The following TMEM132C variants were observed in gnomAD, a reference collection of about 807,000 sequenced individuals.
TMEM132C encodes the protein transmembrane protein 132C.
TMEM132C carries 29 observed loss-of-function variants against 61.4 expected under a neutral mutation model. The ratio of observed to expected loss-of-function variants is 0.47; its 90% CI spans 0.35 to 0.64. The LOEUF is 0.64. Among genes scored for constraint, TMEM132C ranks in the 30% least tolerant of loss-of-function variants. The probability of loss-of-function intolerance (pLI) is 0.00; values close to 1 mark genes in which losing one functional copy is unlikely to be tolerated. For synonymous variants in TMEM132C, 656 were observed against 633.1 expected, an observed-to-expected ratio of 1.04 and a Z score of -0.54; for missense variants, 1,408 against 1,476.9, an observed-to-expected ratio of 0.95 and a Z score of 0.76.
intron 2 of TMEM132C, among the ~76,000 whole-genome samples, chr12:128,434,707 A>G (rs1177572178): frequency 6.6e-6 from 1 of 152,224 alleles, no homozygotes; most frequent in South Asian, 2.1e-4. Flanking sequence ...GGTTCAAGCA[A>G]TTATTCTGCC....
At chr12:128,386,965 AC>A (rs1874605115) in intron 1 of TMEM132C, among the ~76,000 whole-genome samples, 1 of 152,022 alleles carries the variant, frequency 6.6e-6, no homozygotes, top group Non-Finnish European at 1.5e-5. Flanking sequence ...CCACATCTCT[AC>A]AAAAAATAAA....
chr12:128,360,346 A>G (rs1873663690), intron 1 of TMEM132C, among the ~76,000 whole-genome samples: 1 of 152,184 alleles, frequency 6.6e-6, no homozygotes, highest in Non-Finnish European at 1.5e-5. Flanking sequence ...TCTGTCCAAC[A>G]GAATTTAGAT....
intron 5 of TMEM132C, 67 bp downstream of exon 5, chr12:128,669,627 G>A (rs142498532): frequency 0.02 from 31,032 of 1,523,162 alleles, 408 homozygotes; most frequent in Non-Finnish European, 0.024. Context: ...CGTTTGCTAG[G>A]GACATTTAGA....
chr12:128,584,457 T>C (rs545669283), intron 3 of TMEM132C, among the ~76,000 whole-genome samples: 78 of 152,326 alleles, frequency 5.1e-4, no homozygotes, highest in Admixed American at 8.5e-4. Flanking sequence ...TATTCTAGTG[T>C]AAGTACTCGT....
intron 3 of TMEM132C, among the ~76,000 whole-genome samples, chr12:128,559,074 G>A (rs980140119): frequency 6.6e-6 from 1 of 150,638 alleles, no homozygotes; most frequent in Non-Finnish European, 1.5e-5. Flanking sequence ...ATACCTTTCC[G>A]AAAATATTTC....
intron 1 of TMEM132C, among the ~76,000 whole-genome samples, chr12:128,371,437 C>G (rs373295458): frequency 5.5e-4 from 84 of 152,162 alleles, no homozygotes; most frequent in African/African-American, 1.1e-3. Context: ...CCAATCAGAG[C>G]CAACAGACTC....
intron 2 of TMEM132C, among the ~76,000 whole-genome samples, chr12:128,465,573 C>T (rs780638710): frequency 1.1e-4 from 16 of 152,330 alleles, no homozygotes; most frequent in South Asian, 1.0e-3. Context: ...CACAGCCAGG[C>T]GTCCACCCAG....
At chr12:128,472,835 G>A (rs931432840) in intron 2 of TMEM132C, among the ~76,000 whole-genome samples, 1 of 152,162 alleles carries the variant, frequency 6.6e-6, no homozygotes, top group African/African-American at 2.4e-5. Context: ...CCCTGATGAT[G>A]TAGCCATTCT....
intron 4 of TMEM132C, among the ~76,000 whole-genome samples, chr12:128,623,239 T>C (rs1444378307): frequency 6.6e-6 from 1 of 152,100 alleles, no homozygotes; most frequent in Non-Finnish European, 1.5e-5. Flanking sequence ...AACTTTGGTT[T>C]CCCTATCAGT....
In TMEM132C at chr12:128,526,531, G is replaced by T. The variant is rs550291584; in HGVS notation, c.975-17426G>T. 5.3e-5 allele frequency among the ~76,000 whole-genome samples: 8 copies of T among 152,334 alleles called. No individual in the cohort carries two copies. The East Asian group carries it at 1.5e-3, about 29-fold the overall frequency. On this transcript the variant is annotated intron_variant, in intron 2 of 8. Transcript: ENST00000435159. The stretch of plus-strand genomic sequence containing the variant: ...TTAGGATTTCAACACATGAGTTGGG[G>T]ATGATGCAAACATTCCGACTATAGC...
At chr12:128,549,812 A>C (rs1874098605) in intron 3 of TMEM132C, among the ~76,000 whole-genome samples, 1 of 152,074 alleles carries the variant, frequency 6.6e-6, no homozygotes, top group Non-Finnish European at 1.5e-5. Flanking sequence ...ATCCTCCTTC[A>C]AGCATTCGAG....
chr12:128,660,691 C>T (rs1954379234), intron 4 of TMEM132C, among the ~76,000 whole-genome samples: 1 of 152,218 alleles, frequency 6.6e-6, no homozygotes, highest in Non-Finnish European at 1.5e-5. Flanking sequence ...TGCCCATGTG[C>T]CCACGACCTT....
At chr12:128,442,496 T>C (rs1370665785) in intron 2 of TMEM132C, among the ~76,000 whole-genome samples, 1 of 152,144 alleles carries the variant, frequency 6.6e-6, no homozygotes. Flanking sequence ...CAGGCATTGG[T>C]ATTTTTGTTC....
At chr12:128,506,055 G>T (rs1565956304) in intron 2 of TMEM132C, among the ~76,000 whole-genome samples, 3 of 152,206 alleles carry the variant, frequency 2.0e-5, no homozygotes, top group African/African-American at 7.2e-5. Flanking sequence ...TTGTTCTTCT[G>T]TATCAAGCCT....
chr12:128,272,236 C>CTA (rs1427586406), intron 1 of TMEM132C, among the ~76,000 whole-genome samples: 1 of 152,132 alleles, frequency 6.6e-6, no homozygotes, highest in African/African-American at 2.4e-5. Flanking sequence ...TTATTTGTCT[C>CTA]TAGAGTTTTA....
chr12:128,484,743 G>T (rs1871431274), intron 2 of TMEM132C, among the ~76,000 whole-genome samples: 2 of 152,154 alleles, frequency 1.3e-5, no homozygotes, highest in South Asian at 4.1e-4. Context: ...GATTGCTTGA[G>T]CCCAGGAGTT....
At chr12:128,469,637 TG>T (rs1870867967) in intron 2 of TMEM132C, among the ~76,000 whole-genome samples, 10 of 150,010 alleles carry the variant, frequency 6.7e-5, no homozygotes, top group African/African-American at 2.5e-4. Flanking sequence ...TGTGTGTGTG[TG>T]TTTGTGTGTG....
At chr12:128,688,352 G>A (rs967328574) in intron 5 of TMEM132C, among the ~76,000 whole-genome samples, 3 of 152,122 alleles carry the variant, frequency 2.0e-5, no homozygotes, top group Non-Finnish European at 4.4e-5. Context: ...CAGCCATGGC[G>A]AGCCTCGGTT....
At chr12:128,270,938 T>C (rs1469062685) in intron 1 of TMEM132C, among the ~76,000 whole-genome samples, 3 of 152,208 alleles carry the variant, frequency 2.0e-5, no homozygotes, top group Admixed American at 6.5e-5. Context: ...ATTTTTTTTT[T>C]CAAAGGCTCC....
Sources: gnomAD v4.1 joint callset for allele counts (sites outside exome capture counted in the v4.1 genomes callset) on GRCh38, gnomAD v4.1.1 for gene constraint, MANE v1.5 for transcripts, NCBI Gene and HGNC (gene_info 2026-07-23, HGNC 2026-07-21) for gene names.